CHTOP: variants seen among roughly 807,000 people sequenced by gnomAD.
CHTOP encodes the protein chromatin target of PRMT1.
Under a neutral mutation model 33.6 loss-of-function variants are expected in CHTOP, and 18 were observed. The ratio of observed to expected loss-of-function variants is 0.54; its 90% CI spans 0.37 to 0.80. The LOEUF (loss-of-function observed/expected upper bound fraction) is 0.80, where lower values mean the gene tolerates loss of function less well. Ranked by LOEUF, CHTOP falls within the 30% of genes least tolerant of loss-of-function variation. The probability of loss-of-function intolerance (pLI) is 0.00; values close to 1 mark genes in which losing one functional copy is unlikely to be tolerated. For synonymous variants in CHTOP, 117 were observed against 127.7 expected, an observed-to-expected ratio of 0.92 and a Z score of 0.56; for missense variants, 263 against 336.8, an observed-to-expected ratio of 0.78 and a Z score of 1.71.
chr1:153,642,539 A>G (rs1668665370), intron 4 of CHTOP, 110 bp downstream of exon 4: 1 of 813,950 alleles, frequency 1.2e-6, no homozygotes, highest in Admixed American at 3.0e-5. Flanking sequence ...TTGTATTAAT[A>G]TAATAACTTC....
chr1:153,641,493 T>C (rs762880782), intron 3 of CHTOP, among the ~76,000 whole-genome samples: 2 of 152,222 alleles, frequency 1.3e-5, no homozygotes, highest in Admixed American at 6.5e-5. Flanking sequence ...AATTCTAACA[T>C]ACGTTTGGCT....
Position 153,638,285 on chromosome 1 carries a change from G to A in CHTOP, c.66-10G>A, listed in dbSNP as rs1473463518. 6 of 1,611,618 alleles carry A rather than the reference G, an allele frequency of 3.7e-6. No homozygotes were observed. Among genetic ancestry groups the A allele is most frequent in the African/African-American group, 1.3e-5 (1 of 74,802 alleles). On this transcript the variant is annotated splice_polypyrimidine_tract_variant and intron_variant, in intron 2 of 5. Transcript: ENST00000368694. ...TTTTATTTAAACATCCATTTTGTTC[G>A]ACCTTGAAGCTTTACTAATATGCTG...
chr1:153,644,935 T>C, intron 5 of CHTOP, 129 bp from the exon 6 acceptor site: 1 of 750,856 alleles, frequency 1.3e-6, no homozygotes, highest in Non-Finnish European at 2.1e-6. Context: ...TTTTTCCAGA[T>C]TTCTCCTCTT....
rs780915987 is a variant in CHTOP at position 153,642,440 on chromosome 1, T to C, written c.403+11T>C. ...GGATGTCACTCCGAGGTCAGTGCTG[T>C]GTACCCTGATAATTGTCGGGCCCTA... On this transcript the variant is annotated intron_variant, in intron 4 of 5. Coordinates refer to ENST00000368694, the MANE Select transcript of CHTOP (RefSeq NM_015607.4). 1 of 1,587,956 alleles carries C rather than the reference T, an allele frequency of 6.3e-7. No homozygotes were observed. The highest frequency in any genetic ancestry group is 1.3e-5 in the African/African-American group (1 of 74,304).
At chr1:153,640,676 C>T (rs1668589136) in intron 3 of CHTOP, among the ~76,000 whole-genome samples, 1 of 152,110 alleles carries the variant, frequency 6.6e-6, no homozygotes, top group South Asian at 2.1e-4. Flanking sequence ...GAGGCTGAGG[C>T]AGGAGAATTG....
chr1:153,641,155 A>G (rs751333565), intron 3 of CHTOP, among the ~76,000 whole-genome samples: 1 of 152,248 alleles, frequency 6.6e-6, no homozygotes, highest in Non-Finnish European at 1.5e-5. Context: ...ATCTTGTGCT[A>G]GAAAGTTAAT....
chr1:153,645,164 G>C lies in CHTOP; in HGVS notation c.642G>C (p.Glu214Asp), dbSNP rs1571322991. 6.2e-7 allele frequency: 1 copy of C among 1,614,090 alleles called. No homozygotes were observed. The highest frequency in any genetic ancestry group is 8.5e-7 in the Non-Finnish European group (1 of 1,180,054). Residue 214 changes from glutamate to aspartate, a missense_variant, in exon 6 of 6, where the codon GAG becomes GAC. Transcript: ENST00000368694. ...TTGCTCGCCCTGTATTGACCAAGGAGCAGCTGGACAACCAATTGGATGCAT... is the reference window on the plus strand; with the variant it reads ...TTGCTCGCCCTGTATTGACCAAGGACCAGCTGGACAACCAATTGGATGCAT... ...GALARPVLTK[E>D]QLDNQLDAYM...
chr1:153,641,947 AACTGGCAGTGTATG>A (rs2101691369), intron 3 of CHTOP, among the ~76,000 whole-genome samples: 1 of 152,356 alleles, frequency 6.6e-6, no homozygotes, highest in East Asian at 1.9e-4. Context: ...CTTAAGTTTC[AACTGGCAGTGTATG>A]ACTTCTGTAG....
chr1:153,634,920 C>T (rs188186687), intron 1 of CHTOP, among the ~76,000 whole-genome samples: 1 of 151,566 alleles, frequency 6.6e-6, no homozygotes, highest in South Asian at 2.1e-4. Flanking sequence ...ATGGCACGAT[C>T]TCAGCTCACT....
intron 3 of CHTOP, among the ~76,000 whole-genome samples, chr1:153,638,989 T>A (rs1239977787): frequency 6.6e-6 from 1 of 151,732 alleles, no homozygotes; most frequent in African/African-American, 2.4e-5. Context: ...CATACCATTC[T>A]CCTGCCTCAG....
intron 2 of CHTOP, chr1:153,637,661 AAG>A (rs1668457950): frequency 6.6e-6 from 1 of 152,410 alleles, no homozygotes; most frequent in South Asian, 2.1e-4. Context: ...TTTCAAAAAA[AAG>A]AATGCCTTTG....
chr1:153,644,968 C>T, intron 5 of CHTOP, 96 bp from the exon 6 acceptor site: 1 of 1,134,062 alleles, frequency 8.8e-7, no homozygotes, highest in East Asian at 2.5e-5. Flanking sequence ...CAGCTTTTCT[C>T]AGCTAGGCCC....
intron 1 of CHTOP, among the ~76,000 whole-genome samples, chr1:153,635,682 G>T (rs1189011663): frequency 1.3e-5 from 2 of 151,968 alleles, no homozygotes; most frequent in African/African-American, 4.8e-5. Flanking sequence ...AATTAGCCGG[G>T]CATGGTGGCA....
At position 153,634,128 on chromosome 1, in the gene CHTOP, G is replaced by C. The variant is rs1668206171; in HGVS notation, c.-233G>C. ...GGCGGCCGCTGCAGACGAAAGGCAG[G>C]AAAGGGCAGGCCGGGTGAGCAGACG... On this transcript the variant is annotated 5_prime_UTR_variant, in exon 1 of 6. Transcript: ENST00000368694. The C allele has an allele frequency of 6.5e-6, 1 of 152,984 alleles. No individual in the cohort carries two copies. Among genetic ancestry groups the C allele is most frequent in the Non-Finnish European group, 1.5e-5 (1 of 68,266 alleles). 9.5% of individuals were successfully genotyped at this position (152,984 alleles called of 1,614,324 possible).
intron 4 of CHTOP, 35 bp from the exon 5 acceptor site, chr1:153,643,192 T>G: frequency 6.2e-7 from 1 of 1,613,270 alleles, no homozygotes; most frequent in Non-Finnish European, 8.5e-7. Context: ...TCTCTTGGAT[T>G]TACCTGCATA....
At chr1:153,634,562 A>C (rs1222085914) in intron 1 of CHTOP, among the ~76,000 whole-genome samples, 1 of 56,236 alleles carries the variant, frequency 1.8e-5, no homozygotes, top group East Asian at 8.1e-4. Flanking sequence ...ATAGGATAAA[A>C]AGGAAACTTG....
In CHTOP at chr1:153,639,521, C is replaced by T. The variant is rs140481519; in HGVS notation, c.219+1073C>T. On this transcript the variant is annotated intron_variant, in intron 3 of 5. Coordinates refer to ENST00000368694, the MANE Select transcript of CHTOP (RefSeq NM_015607.4). ...GTTAAATATAACACCCTTACACCCCCACCCTGAACCATTGGGCTCACTGAC... is the reference window on the plus strand; with the variant it reads ...GTTAAATATAACACCCTTACACCCCTACCCTGAACCATTGGGCTCACTGAC... The T allele has an allele frequency of 1.4e-3, 510 of 360,800 alleles. 2 individuals carry two copies. The highest frequency in any genetic ancestry group is 0.01 in the African/African-American group (464 of 45,222). 22.3% of individuals were successfully genotyped at this position (360,800 alleles called of 1,614,324 possible).
At position 153,645,619 on chromosome 1, in the gene CHTOP, A is replaced by G. The variant is rs915694104; in HGVS notation, c.*350A>G. ...CCCCTCACTTGTCATATGCTCTGAC[A>G]TGCTAACATTTCTTTTGTTCATCCC... On this transcript the variant is annotated 3_prime_UTR_variant, in exon 6 of 6. Transcript: ENST00000368694. 4 of 254,650 alleles carry G rather than the reference A, an allele frequency of 1.6e-5. No individual in the cohort carries two copies. The highest frequency in any genetic ancestry group is 1.0e-4 in the Admixed American group (2 of 19,522). 15.8% of individuals were successfully genotyped at this position (254,650 alleles called of 1,614,324 possible).
intron 5 of CHTOP, among the ~76,000 whole-genome samples, chr1:153,644,835 T>C (rs1434425123): frequency 6.6e-6 from 1 of 152,214 alleles, no homozygotes; most frequent in African/African-American, 2.4e-5. Context: ...AGAATAAAAT[T>C]TGTTAAAATA....
Sources: allele counts gnomAD v4.1 joint callset (sites outside exome capture counted in the v4.1 genomes callset), GRCh38; gene constraint gnomAD v4.1.1; transcripts MANE v1.5; gene names NCBI Gene and HGNC (gene_info 2026-07-23, HGNC 2026-07-21).